SPAG16: variants seen among roughly 807,000 people sequenced by gnomAD.
SPAG16 encodes the protein sperm-associated antigen 16 protein.
In SPAG16, 86 loss-of-function variants were observed where a neutral mutation model predicts 80.4. That is an observed-to-expected ratio of 1.07 (90% CI 0.90 to 1.28). SPAG16 has a LOEUF of 1.28. Ranked by LOEUF, SPAG16 falls within the 50% of genes most tolerant of loss-of-function variation. The probability of loss-of-function intolerance (pLI) is 0.00; values close to 1 mark genes in which losing one functional copy is unlikely to be tolerated. For synonymous variants in SPAG16, 294 were observed against 265.9 expected (o/e 1.11, Z -1.03); for missense variants, 870 against 765.3 (o/e 1.14, Z -1.61).
intron 15 of SPAG16, among the ~76,000 whole-genome samples, chr2:214,316,368 G>T (rs1695691736): frequency 6.6e-6 from 1 of 152,120 alleles, no homozygotes; most frequent in Admixed American, 6.5e-5. Flanking sequence ...ATGGGCTGTT[G>T]AACAAGAGAC....
intron 3 of SPAG16, among the ~76,000 whole-genome samples, chr2:213,309,704 T>A (rs2063103639): frequency 1.3e-5 from 2 of 152,052 alleles, no homozygotes; most frequent in South Asian, 4.1e-4. Context: ...CCACCCTAAA[T>A]ACGTAGCAAC....
chr2:214,344,677 A>T (rs114637398), intron 15 of SPAG16, among the ~76,000 whole-genome samples: 3,464 of 152,282 alleles, frequency 0.023, 142 homozygotes, highest in African/African-American at 0.079. Flanking sequence ...AAGATCACCA[A>T]TTCTATAAGG....
In SPAG16 at chr2:213,592,896, C is replaced by T. The variant is rs537565809; in HGVS notation, c.1070+102806C>T. On this transcript the variant is annotated intron_variant, in intron 10 of 15. Coordinates refer to ENST00000331683, the MANE Select transcript of SPAG16 (RefSeq NM_024532.5). Reference sequence around the variant, plus strand: ...TTTTAACACTTTCTTCCCATTTGAACGCAGCTCTTCTAACAGACAAGTATA... The same window carrying T: ...TTTTAACACTTTCTTCCCATTTGAATGCAGCTCTTCTAACAGACAAGTATA... 3.9e-5 allele frequency among the ~76,000 whole-genome samples: 6 copies of T among 152,276 alleles called. No individual in the cohort carries two copies. In the South Asian group the frequency reaches 1.0e-3, roughly 26 times the overall value.
intron 10 of SPAG16, among the ~76,000 whole-genome samples, chr2:213,753,713 G>A (rs953418013): frequency 2.6e-5 from 4 of 152,188 alleles, no homozygotes; most frequent in African/African-American, 9.7e-5. Flanking sequence ...CAGTGTGGAT[G>A]TAATATGGCA....
At chr2:213,454,146 A>G (rs1488073851) in intron 9 of SPAG16, among the ~76,000 whole-genome samples, 2 of 152,182 alleles carry the variant, frequency 1.3e-5, no homozygotes, top group Non-Finnish European at 2.9e-5. Flanking sequence ...CGAAATTGAG[A>G]TCATGGCCAC....
chr2:214,345,896 T>G (rs1698017988), intron 15 of SPAG16, among the ~76,000 whole-genome samples: 1 of 152,232 alleles, frequency 6.6e-6, no homozygotes, highest in South Asian at 2.1e-4. Flanking sequence ...GAATAGTTCA[T>G]TCAGGTTTGT....
chr2:213,489,949 AT>A lies in SPAG16; in HGVS notation c.943-7del. The stretch of plus-strand genomic sequence containing the variant: ...ATATTTAACACAGAGCTCTTGTTTA[AT>A]TTTTTTCTCTAGGATTCAGAATTTC... On this transcript the variant is annotated splice_polypyrimidine_tract_variant and intron_variant, in intron 9 of 15. Coordinates refer to ENST00000331683, the MANE Select transcript of SPAG16 (RefSeq NM_024532.5). The A allele has an allele frequency of 1.9e-6, 3 of 1,588,800 alleles. No homozygotes were observed. Among genetic ancestry groups the A allele is most frequent in the African/African-American group, 1.4e-5 (1 of 73,442 alleles).
At chr2:214,015,600 G>GAA (rs61341736) in intron 13 of SPAG16, among the ~76,000 whole-genome samples, 59,054 of 144,136 alleles carry the variant, frequency 0.41, 12,144 homozygotes, top group South Asian at 0.67. Context: ...CTCCATCTCA[G>GAA]AAAAAAAAAA....
chr2:213,474,886 A>G (rs560051212), intron 9 of SPAG16, among the ~76,000 whole-genome samples: 5 of 152,226 alleles, frequency 3.3e-5, no homozygotes, highest in African/African-American at 1.2e-4. Flanking sequence ...TCCTTTGGCA[A>G]TACCCTCACA....
chr2:213,347,196 A>C (rs972140411), intron 6 of SPAG16, among the ~76,000 whole-genome samples: 5 of 152,164 alleles, frequency 3.3e-5, no homozygotes, highest in African/African-American at 1.2e-4. Flanking sequence ...GTATTCTCTG[A>C]TGGTAGTTTG....
intron 14 of SPAG16, among the ~76,000 whole-genome samples, chr2:214,128,883 C>T (rs371518871): frequency 6.6e-6 from 1 of 151,892 alleles, no homozygotes; most frequent in African/African-American, 2.4e-5. Flanking sequence ...AGAAGCAGTG[C>T]TCAAACTAGG....
intron 12 of SPAG16, among the ~76,000 whole-genome samples, chr2:213,970,288 CT>C (rs55972413): frequency 0.091 from 13,210 of 145,560 alleles, 931 homozygotes; most frequent in African/African-American, 0.21. Context: ...AAAAGTTTTG[CT>C]TTTTTTTTTT....
intron 12 of SPAG16, among the ~76,000 whole-genome samples, chr2:213,992,740 T>C (rs1405329146): frequency 6.6e-6 from 1 of 152,202 alleles, no homozygotes; most frequent in Non-Finnish European, 1.5e-5. Context: ...GATTGGTTTG[T>C]AATAACTGAC....
chr2:213,730,831 C>T (rs889557762), intron 10 of SPAG16, among the ~76,000 whole-genome samples: 11 of 152,020 alleles, frequency 7.2e-5, no homozygotes, highest in Non-Finnish European at 1.6e-4. Flanking sequence ...TCCTTAGCTC[C>T]TCAATGTTGT....
At chr2:213,370,381 GT>G (rs2066565878) in intron 8 of SPAG16, among the ~76,000 whole-genome samples, 1 of 152,120 alleles carries the variant, frequency 6.6e-6, no homozygotes, top group African/African-American at 2.4e-5. Flanking sequence ...TTTTCTCTGT[GT>G]TATGTGACTA....
chr2:214,338,836 C>G (rs1264983293), intron 15 of SPAG16, among the ~76,000 whole-genome samples: 2 of 152,154 alleles, frequency 1.3e-5, no homozygotes, highest in African/African-American at 2.4e-5. Context: ...ATTGCCACTA[C>G]AGAATAGTTG....
At chr2:213,292,920 T>G (rs2062352847) in intron 1 of SPAG16, among the ~76,000 whole-genome samples, 1 of 152,154 alleles carries the variant, frequency 6.6e-6, no homozygotes, top group East Asian at 1.9e-4. Flanking sequence ...ATATTGACTC[T>G]TAACATTCTT....
At chr2:213,708,372 G>A (rs2125350837) in intron 10 of SPAG16, among the ~76,000 whole-genome samples, 1 of 152,316 alleles carries the variant, frequency 6.6e-6, no homozygotes, top group Non-Finnish European at 1.5e-5. Flanking sequence ...GAGTATGTCA[G>A]TGGTAAAATT....
At chr2:213,692,596 G>T (rs979186534) in intron 10 of SPAG16, among the ~76,000 whole-genome samples, 3 of 152,052 alleles carry the variant, frequency 2.0e-5, no homozygotes, top group African/African-American at 7.2e-5. Flanking sequence ...AGATCACAAG[G>T]TCAGCAGATA....
Sources: allele counts gnomAD v4.1 joint callset (sites outside exome capture counted in the v4.1 genomes callset), GRCh38; gene constraint gnomAD v4.1.1; transcripts MANE v1.5; gene names NCBI Gene and HGNC (gene_info 2026-07-23, HGNC 2026-07-21).